Variants in CSMD1 observed in about 807,000 individuals in gnomAD.
CSMD1 encodes the protein CUB and sushi domain-containing protein 1.
CSMD1 carries 213 observed loss-of-function variants against 417.5 expected under a neutral mutation model. The observed-to-expected ratio is 0.51, with a 90% CI of 0.46 to 0.57. The LOEUF (loss-of-function observed/expected upper bound fraction) is 0.57. Ranked by LOEUF, CSMD1 falls within the 20% of genes least tolerant of loss-of-function variation. The pLI, the probability that CSMD1 is intolerant of heterozygous loss-of-function variation, is 0.00. For synonymous variants in CSMD1, 2,862 were observed against 1,736.8 expected, an observed-to-expected ratio of 1.65 and a Z score of -16.11; for missense variants, 6,923 against 4,529.7, an observed-to-expected ratio of 1.53 and a Z score of -15.17.
chr8:4,272,133 A>C (rs1490234400), intron 3 of CSMD1, among the ~76,000 whole-genome samples: 1 of 152,156 alleles, frequency 6.6e-6, no homozygotes, highest in Non-Finnish European at 1.5e-5. Flanking sequence ...GTGGCTGGAC[A>C]CATGGAGTCT....
At chr8:4,086,998 T>C (rs1256935502) in intron 3 of CSMD1, among the ~76,000 whole-genome samples, 1 of 152,220 alleles carries the variant, frequency 6.6e-6, no homozygotes, top group African/African-American at 2.4e-5. Context: ...ATTTACAAAA[T>C]GGGGATAACG....
intron 5 of CSMD1, among the ~76,000 whole-genome samples, chr8:3,921,315 G>A (rs190346091): frequency 6.6e-5 from 10 of 151,902 alleles, no homozygotes; most frequent in Admixed American, 1.3e-4. Flanking sequence ...TAGCATAAGA[G>A]TTTATCATTT....
chr8:4,864,875 T>TACAC (rs35135942), intron 1 of CSMD1, among the ~76,000 whole-genome samples: 3,493 of 146,842 alleles, frequency 0.024, 127 homozygotes, highest in Admixed American at 0.08. Flanking sequence ...TGGATTCTAC[T>TACAC]ACACACACAC....
chr8:2,988,570 G>A (rs1277211687), intron 54 of CSMD1, among the ~76,000 whole-genome samples: 1 of 152,148 alleles, frequency 6.6e-6, no homozygotes. Context: ...GGGCCTCCAG[G>A]AGAGTAGGAA....
chr8:3,550,342 C>T (rs1387716743), intron 10 of CSMD1, among the ~76,000 whole-genome samples: 1 of 152,170 alleles, frequency 6.6e-6, no homozygotes, highest in Non-Finnish European at 1.5e-5. Context: ...CAAACTCATT[C>T]CTACTCCAGG....
chr8:4,426,633 A>G (rs1414961289), intron 2 of CSMD1, among the ~76,000 whole-genome samples: 2 of 146,638 alleles, frequency 1.4e-5, no homozygotes, highest in African/African-American at 4.9e-5. Flanking sequence ...TATATAATAT[A>G]GTAATATTTT....
At chr8:2,973,858 G>T (rs1269766470) in intron 56 of CSMD1, among the ~76,000 whole-genome samples, 1 of 150,026 alleles carries the variant, frequency 6.7e-6, no homozygotes, top group East Asian at 1.9e-4. Context: ...GAGGATGATG[G>T]TAGAGGATGG....
In CSMD1 at chr8:3,420,461, C is replaced by T. The variant is rs144834054; in HGVS notation, c.1562-10856G>A. Among the ~76,000 whole-genome samples the T allele has an allele frequency of 8.3e-3, 1,238 of 148,438 alleles. 17 individuals carry two copies. Among genetic ancestry groups the T allele is most frequent in the African/African-American group, 0.029 (1,170 of 40,982 alleles). On this transcript the variant is annotated intron_variant, in intron 12 of 69. Coordinates refer to ENST00000635120, the MANE Select transcript of CSMD1 (RefSeq NM_033225.6). ...AAGCCATGGAAATCTGAATAAAATA[C>T]GACCTTCAGTTAATAACGTTTCCAT... is the stretch of plus-strand genomic sequence containing the variant.
intron 54 of CSMD1, among the ~76,000 whole-genome samples, chr8:2,985,796 C>T (rs982384262): frequency 9.2e-5 from 14 of 152,034 alleles, no homozygotes; most frequent in Non-Finnish European, 1.6e-4. Flanking sequence ...AACAGGTGGA[C>T]GGGTCTGGTA....
intron 7 of CSMD1, among the ~76,000 whole-genome samples, chr8:3,661,164 G>T (rs989455330): frequency 6.6e-6 from 1 of 152,178 alleles, no homozygotes; most frequent in Non-Finnish European, 1.5e-5. Context: ...ATGACTCCTT[G>T]TGGATGAATT....
chr8:3,734,107 G>T (rs1366634781), intron 6 of CSMD1, among the ~76,000 whole-genome samples: 1 of 152,088 alleles, frequency 6.6e-6, no homozygotes, highest in Non-Finnish European at 1.5e-5. Context: ...GTTCCAATGT[G>T]CTAAATTAAT....
intron 1 of CSMD1, among the ~76,000 whole-genome samples, chr8:4,680,335 G>A (rs1228341576): frequency 6.6e-6 from 1 of 151,934 alleles, no homozygotes; most frequent in Non-Finnish European, 1.5e-5. Context: ...GAAAGCACCG[G>A]GTCACTTAAT....
intron 3 of CSMD1, among the ~76,000 whole-genome samples, chr8:4,177,996 G>A (rs1009519800): frequency 6.6e-6 from 1 of 152,156 alleles, no homozygotes; most frequent in East Asian, 1.9e-4. Context: ...AATTCTACCA[G>A]AGTTACAAGG....
At chr8:3,852,415 C>T (rs952204614) in intron 5 of CSMD1, among the ~76,000 whole-genome samples, 4 of 152,114 alleles carry the variant, frequency 2.6e-5, no homozygotes, top group Non-Finnish European at 5.9e-5. Context: ...AACCACACTC[C>T]CCTGTGCTGC....
chr8:4,064,862 G>A (rs553032522), intron 3 of CSMD1, among the ~76,000 whole-genome samples: 2 of 151,960 alleles, frequency 1.3e-5, no homozygotes, highest in African/African-American at 2.4e-5. Context: ...TACTGTGTTT[G>A]TAATGTGTGT....
chr8:3,098,925 G>A (rs965167255), intron 46 of CSMD1, among the ~76,000 whole-genome samples: 2 of 151,510 alleles, frequency 1.3e-5, no homozygotes, highest in Non-Finnish European at 2.9e-5. Context: ...TATGTGGGCA[G>A]AAACTGTTGT....
intron 3 of CSMD1, among the ~76,000 whole-genome samples, chr8:4,402,973 C>T (rs1036804470): frequency 2.6e-5 from 4 of 151,828 alleles, no homozygotes; most frequent in Non-Finnish European, 5.9e-5. Flanking sequence ...GTACCTGCCA[C>T]CATGCCTGGC....
At chr8:4,927,705 T>C (rs1284740174) in intron 1 of CSMD1, among the ~76,000 whole-genome samples, 1 of 152,150 alleles carries the variant, frequency 6.6e-6, no homozygotes, top group Non-Finnish European at 1.5e-5. Flanking sequence ...GGAGTAGATA[T>C]GTCAGATGAT....
intron 5 of CSMD1, among the ~76,000 whole-genome samples, chr8:3,891,729 C>A (rs537572048): frequency 5.3e-4 from 81 of 152,204 alleles, no homozygotes; most frequent in Non-Finnish European, 9.6e-4. Context: ...ACTAGTCTCC[C>A]AGGCAGTATA....
Sources: gnomAD v4.1 joint callset for allele counts (sites outside exome capture counted in the v4.1 genomes callset) on GRCh38, gnomAD v4.1.1 for gene constraint, MANE v1.5 for transcripts, NCBI Gene and HGNC (gene_info 2026-07-23, HGNC 2026-07-21) for gene names.